RBFOX1: variants seen among roughly 807,000 people sequenced by gnomAD.
RBFOX1 encodes the protein RNA binding fox-1 homolog 1, also known as RNA binding protein fox-1 homolog 1.
Under a neutral mutation model 57.7 loss-of-function variants are expected in RBFOX1, and 8 were observed. The observed-to-expected ratio is 0.14, with a 90% CI of 0.08 to 0.25. RBFOX1 has a LOEUF of 0.25. RBFOX1 is among the 10% of genes least tolerant of loss of function. The pLI is 1.00. For synonymous variants in RBFOX1, 326 were observed against 222.4 expected (o/e 1.47, Z -4.15); for missense variants, 611 against 548.5 (o/e 1.11, Z -1.14).
intron 3 of RBFOX1, among the ~76,000 whole-genome samples, chr16:5,864,335 A>G (rs1418719512): frequency 6.6e-6 from 1 of 152,238 alleles, no homozygotes; most frequent in Non-Finnish European, 1.5e-5. Flanking sequence ...TAATTTTACA[A>G]GTGGATACAT....
intron 2 of RBFOX1, among the ~76,000 whole-genome samples, chr16:6,616,850 T>G (rs1348616842): frequency 6.6e-6 from 1 of 152,224 alleles, no homozygotes; most frequent in Admixed American, 6.5e-5. Flanking sequence ...AACTAGAGAC[T>G]ATGGGCCACC....
intron 4 of RBFOX1, among the ~76,000 whole-genome samples, chr16:7,434,793 G>C (rs2098709205): frequency 6.6e-6 from 1 of 151,284 alleles, no homozygotes; most frequent in South Asian, 2.1e-4. Context: ...AGGCTGGAGT[G>C]CAGTGGTGTG....
chr16:5,410,566 G>A (rs2066993738), intron 1 of RBFOX1, among the ~76,000 whole-genome samples: 1 of 152,164 alleles, frequency 6.6e-6, no homozygotes, highest in Non-Finnish European at 1.5e-5. Context: ...GCACATTCCT[G>A]CAGGAGAAAC....
chr16:5,474,402 C>G (rs985215653), intron 2 of RBFOX1, among the ~76,000 whole-genome samples: 3 of 152,130 alleles, frequency 2.0e-5, no homozygotes, highest in Non-Finnish European at 4.4e-5. Flanking sequence ...TCCTGTGATC[C>G]CAGCACTTTG....
intron 3 of RBFOX1, among the ~76,000 whole-genome samples, chr16:6,862,810 C>T (rs1425017365): frequency 6.6e-6 from 1 of 151,950 alleles, no homozygotes; most frequent in African/African-American, 2.4e-5. Flanking sequence ...AATGGTGAAA[C>T]CTCGTCTCTA....
At chr16:6,272,995 C>G (rs936182387) in intron 1 of RBFOX1, among the ~76,000 whole-genome samples, 5 of 152,294 alleles carry the variant, frequency 3.3e-5, no homozygotes, top group African/African-American at 9.6e-5. Context: ...TACATTGGCT[C>G]ATGCCTGTAA....
intron 3 of RBFOX1, among the ~76,000 whole-genome samples, chr16:6,725,144 G>A (rs553361924): frequency 3.4e-5 from 5 of 149,186 alleles, no homozygotes; most frequent in South Asian, 2.1e-4. Flanking sequence ...TCTGCGTCCC[G>A]GGTTCACGCC....
intron 4 of RBFOX1, among the ~76,000 whole-genome samples, chr16:5,926,002 A>G (rs945135879): frequency 6.6e-6 from 1 of 152,162 alleles, no homozygotes; most frequent in African/African-American, 2.4e-5. Flanking sequence ...CAGGTGTGGT[A>G]GCAGTCAGAC....
At chr16:6,984,188 G>A (rs558722599) in intron 3 of RBFOX1, among the ~76,000 whole-genome samples, 10 of 152,080 alleles carry the variant, frequency 6.6e-5, no homozygotes, top group Admixed American at 2.0e-4. Flanking sequence ...CAGAGGTTGC[G>A]GTGAGCCGAG....
chr16:6,812,476 T>G (rs1051121140), intron 3 of RBFOX1, among the ~76,000 whole-genome samples: 9 of 152,042 alleles, frequency 5.9e-5, no homozygotes, highest in African/African-American at 2.2e-4. Context: ...AGGGTTCAAG[T>G]GATTCTCTTG....
intron 1 of RBFOX1, among the ~76,000 whole-genome samples, chr16:5,431,935 C>T (rs144832479): frequency 0.011 from 1,726 of 152,126 alleles, 38 homozygotes; most frequent in African/African-American, 0.039. Flanking sequence ...AATCCTCTGA[C>T]GGACAACGGA....
intron 2 of RBFOX1, among the ~76,000 whole-genome samples, chr16:5,571,620 C>G (rs1409266641): frequency 1.3e-5 from 2 of 152,128 alleles, no homozygotes; most frequent in African/African-American, 2.4e-5. Flanking sequence ...CTTCCTGGCG[C>G]CATGCTTCTT....
intron 3 of RBFOX1, among the ~76,000 whole-genome samples, chr16:6,944,123 A>C (rs965335296): frequency 7.2e-5 from 11 of 151,808 alleles, no homozygotes; most frequent in Non-Finnish European, 1.2e-4. Flanking sequence ...CTGGCCAGGC[A>C]CAGTGGCTCT....
intron 3 of RBFOX1, among the ~76,000 whole-genome samples, chr16:6,752,369 C>T (rs2075086192): frequency 6.6e-6 from 1 of 152,054 alleles, no homozygotes; most frequent in Admixed American, 6.6e-5. Context: ...ATGCTGTGTC[C>T]ATATGAGTAA....
chr16:5,526,627 T>A (rs1015255070), intron 2 of RBFOX1, among the ~76,000 whole-genome samples: 2 of 152,108 alleles, frequency 1.3e-5, no homozygotes, highest in African/African-American at 4.8e-5. Context: ...GCTAGGTAAT[T>A]TTCCCAAGGA....
chr16:6,943,785 A>G (rs1413219620), intron 3 of RBFOX1, among the ~76,000 whole-genome samples: 5 of 151,636 alleles, frequency 3.3e-5, no homozygotes, highest in Non-Finnish European at 7.4e-5. Context: ...AACTTCAACC[A>G]CTCATAGACT....
intron 4 of RBFOX1, among the ~76,000 whole-genome samples, chr16:7,221,874 T>G (rs56186760): frequency 0.39 from 59,518 of 152,042 alleles, 12,169 homozygotes; most frequent in East Asian, 0.66. Context: ...TTTAACTTCA[T>G]AAATCCACAA....
At chr16:6,723,271 C>T (rs1045257248) in intron 3 of RBFOX1, among the ~76,000 whole-genome samples, 3 of 152,188 alleles carry the variant, frequency 2.0e-5, no homozygotes, top group Non-Finnish European at 4.4e-5. Context: ...CTTCGTGTTT[C>T]TTACCTGGAC....
chr16:6,905,630 A>C (rs375059978), intron 3 of RBFOX1, among the ~76,000 whole-genome samples: 1 of 151,920 alleles, frequency 6.6e-6, no homozygotes, highest in African/African-American at 2.4e-5. Context: ...TGTTTATTCC[A>C]ATTTTCCCCG....
Sources: allele counts gnomAD v4.1 joint callset (sites outside exome capture counted in the v4.1 genomes callset), GRCh38; gene constraint gnomAD v4.1.1; transcripts MANE v1.5; gene names NCBI Gene and HGNC (gene_info 2026-07-23, HGNC 2026-07-21).